ADD2: variants seen among roughly 807,000 people sequenced by gnomAD.
ADD2 encodes the protein adducin 2.
A neutral mutation model predicts 83.0 loss-of-function variants in ADD2; 23 were observed. The ratio of observed to expected loss-of-function variants is 0.28; its 90% CI spans 0.20 to 0.39. The LOEUF is 0.39. Among genes scored for constraint, ADD2 ranks in the 10% least tolerant of loss-of-function variants. The probability of loss-of-function intolerance (pLI) is 1.00; values close to 1 mark genes in which losing one functional copy is unlikely to be tolerated. For missense variants in ADD2, 758 were observed against 944.9 expected, an observed-to-expected ratio of 0.80 and a Z score of 2.59; for synonymous variants, 375 against 375.4, an observed-to-expected ratio of 1.00 and a Z score of 0.01.
In ADD2 at chr2:70,692,470, G is replaced by A. The variant is rs782062528; in HGVS notation, c.638C>T (p.Ser213Leu). 6 of 1,612,722 alleles carry A rather than the reference G, an allele frequency of 3.7e-6. No homozygotes were observed. Among genetic ancestry groups the A allele is most frequent in the African/African-American group, 2.7e-5 (2 of 74,904 alleles). Residue 213 changes from serine to leucine, a missense_variant, in exon 7 of 16, where the codon TCG (serine) becomes TTG (leucine). Physicochemically the swap from Ser to Leu is moderately radical, Grantham distance 145 (BLOSUM62 -2). Transcript: ENST00000264436. ...GTCGGGCCTCGCTGCATAGATGGCC[G>A]AGTGCAGACAGAAGCCTGTGGTGTC... is the stretch of plus-strand genomic sequence containing the variant. ...PVDTTGFCLH[S>L]AIYAARPDVR...
At chr2:70,754,315 T>G (rs1338109472) in intron 1 of ADD2, among the ~76,000 whole-genome samples, 2 of 152,136 alleles carry the variant, frequency 1.3e-5, no homozygotes, top group African/African-American at 2.4e-5. Context: ...TTCAGCTACA[T>G]AAAGCCCACT....
chr2:70,744,441 T>C (rs1190178557), intron 1 of ADD2, among the ~76,000 whole-genome samples: 2 of 152,184 alleles, frequency 1.3e-5, no homozygotes, highest in African/African-American at 2.4e-5. Context: ...CATACAGACA[T>C]GCTGGGACAG....
At chr2:70,766,452 A>C (rs1553386059) in intron 1 of ADD2, among the ~76,000 whole-genome samples, 1 of 152,232 alleles carries the variant, frequency 6.6e-6, no homozygotes, top group African/African-American at 2.4e-5. Flanking sequence ...TCTCTAACAT[A>C]TATTATTCAT....
chr2:70,752,065 A>G (rs989685676), intron 1 of ADD2, among the ~76,000 whole-genome samples: 1 of 152,222 alleles, frequency 6.6e-6, no homozygotes, highest in African/African-American at 2.4e-5. Flanking sequence ...AATGGTTTCA[A>G]GCCAAAGACA....
intron 1 of ADD2, among the ~76,000 whole-genome samples, chr2:70,757,428 T>C (rs1355827710): frequency 6.6e-6 from 1 of 152,124 alleles, no homozygotes; most frequent in Non-Finnish European, 1.5e-5. Flanking sequence ...AATAATGATA[T>C]ATTTTATGAA....
intron 14 of ADD2, chr2:70,673,261 G>T: frequency 1.2e-6 from 2 of 1,614,088 alleles, no homozygotes; most frequent in Non-Finnish European, 1.7e-6. Flanking sequence ...CTCCAGATGT[G>T]GAGGGCAACG....
At chr2:70,767,496 G>A (rs917897662) in intron 1 of ADD2, 8 of 421,114 alleles carry the variant, frequency 1.9e-5, no homozygotes, top group African/African-American at 1.3e-4. Flanking sequence ...CGGCCGAGCG[G>A]GAAGGAAAGA....
At chr2:70,674,600 G>A (rs1670041564) in intron 14 of ADD2, 78 bp downstream of exon 14, 1 of 1,430,190 alleles carries the variant, frequency 7.0e-7, no homozygotes, top group Non-Finnish European at 9.5e-7. Flanking sequence ...GGGCAGGAAG[G>A]TCCTCTCTTG....
intron 15 of ADD2, among the ~76,000 whole-genome samples, chr2:70,665,799 C>T (rs147264768): frequency 4.0e-5 from 6 of 150,398 alleles, no homozygotes; most frequent in South Asian, 2.1e-4. Flanking sequence ...ATCTGCAAAA[C>T]GATCACACTT....
intron 15 of ADD2, among the ~76,000 whole-genome samples, chr2:70,664,138 G>A (rs1229989359): frequency 6.6e-6 from 1 of 152,192 alleles, no homozygotes; most frequent in Non-Finnish European, 1.5e-5. Context: ...AACCAGTTTA[G>A]TTTCACCAAT....
chr2:70,701,577 G>T (rs1419396229), intron 4 of ADD2, among the ~76,000 whole-genome samples: 2 of 152,086 alleles, frequency 1.3e-5, no homozygotes, highest in African/African-American at 4.8e-5. Flanking sequence ...AAATGATCAT[G>T]ATTTGCAGAT....
intron 1 of ADD2, among the ~76,000 whole-genome samples, chr2:70,751,745 TG>T (rs1175041828): frequency 6.6e-6 from 1 of 152,204 alleles, no homozygotes; most frequent in Non-Finnish European, 1.5e-5. Flanking sequence ...CTATTTAGGT[TG>T]TTTTATCCAG....
At chr2:70,682,274 G>C (rs1670496804) in intron 10 of ADD2, among the ~76,000 whole-genome samples, 1 of 152,152 alleles carries the variant, frequency 6.6e-6, no homozygotes, top group Admixed American at 6.5e-5. Flanking sequence ...CTCAGAAAGA[G>C]TTTAAATAAC....
intron 1 of ADD2, among the ~76,000 whole-genome samples, chr2:70,713,567 C>A (rs529404326): frequency 6.6e-6 from 1 of 152,062 alleles, no homozygotes; most frequent in Non-Finnish European, 1.5e-5. Flanking sequence ...GCCAAGATCG[C>A]GCCACTGCAC....
chr2:70,742,271 T>C (rs1056950804), intron 1 of ADD2, among the ~76,000 whole-genome samples: 15 of 152,046 alleles, frequency 9.9e-5, no homozygotes, highest in African/African-American at 3.6e-4. Flanking sequence ...TTTTAGAGAG[T>C]AAAACCCATT....
At chr2:70,724,353 C>T (rs547511523) in intron 1 of ADD2, among the ~76,000 whole-genome samples, 3 of 152,338 alleles carry the variant, frequency 2.0e-5, no homozygotes, top group African/African-American at 4.8e-5. Flanking sequence ...GTACCTCTGT[C>T]ATAAGAAATG....
At position 70,676,856 on chromosome 2, in the gene ADD2, C is replaced by T. The variant is rs781930380; in HGVS notation, c.1533G>A (p.Lys511=). The change falls in exon 13 of 16, where the codon AAG becomes AAA. Residue 511 remains lysine, a synonymous_variant. Transcript: ENST00000264436. The surrounding 1 kb of genome is among the most constrained non-coding windows in gnomAD (Gnocchi z 4.8). ...GGAGCTGGGACTGAGGCCCCGCTGA[C>T]TTCACATCTTGTCGGTTTTGTTCTC... is the stretch of plus-strand genomic sequence containing the variant. The part of the protein sequence containing the change: ...KIREQNRQDV[K]SAGPQSQLLA... 1 of 1,614,020 alleles carries T rather than the reference C, an allele frequency of 6.2e-7. No homozygotes were observed. The highest frequency in any genetic ancestry group is 8.5e-7 in the Non-Finnish European group (1 of 1,179,892).
intron 15 of ADD2, among the ~76,000 whole-genome samples, chr2:70,665,202 C>T (rs1406452465): frequency 6.6e-6 from 1 of 152,142 alleles, no homozygotes; most frequent in Admixed American, 6.5e-5. Context: ...TGGGGAAGTG[C>T]ACGGTTACAT....
chr2:70,675,129 G>C, intron 13 of ADD2: 1 of 1,081,800 alleles, frequency 9.2e-7, no homozygotes, highest in South Asian at 3.8e-5. Context: ...CCCTTCTATG[G>C]ACACTTCCAA....
Sources: gnomAD v4.1 joint callset for allele counts (sites outside exome capture counted in the v4.1 genomes callset) on GRCh38, gnomAD v4.1.1 for gene constraint, Gnocchi (gnomAD v3.1) non-coding constraint, MANE v1.5 for transcripts, NCBI Gene and HGNC (gene_info 2026-07-23, HGNC 2026-07-21) for gene names.